The following ASB2 variants were observed in gnomAD, a reference collection of about 807,000 sequenced individuals.
The protein encoded by ASB2 is ankyrin repeat and SOCS box containing 2.
ASB2 carries 58 observed loss-of-function variants against 62.4 expected under a neutral mutation model. The ratio of observed to expected loss-of-function variants is 0.93; its 90% CI spans 0.75 to 1.16. ASB2 has a LOEUF of 1.16. Among genes scored for constraint, ASB2 ranks in the 50% most tolerant of loss-of-function variants. ASB2 has a pLI of 0.00. For missense variants in ASB2, 928 were observed against 887.9 expected (o/e 1.05, Z -0.57); for synonymous variants, 386 against 385.3 (o/e 1.00, Z -0.02).
intron 1 of ASB2, among the ~76,000 whole-genome samples, chr14:93,965,957 C>A (rs1227110159): frequency 1.3e-5 from 2 of 152,270 alleles, no homozygotes; most frequent in East Asian, 3.8e-4. Context: ...CTGAGCCCAA[C>A]CTCCTCAGAG....
chr14:93,964,981 C>G (rs756421408), intron 1 of ASB2, among the ~76,000 whole-genome samples: 56 of 152,212 alleles, frequency 3.7e-4, no homozygotes, highest in Non-Finnish European at 7.1e-4. Context: ...GTCTACTCAT[C>G]TGACCATTTA....
intron 1 of ASB2, among the ~76,000 whole-genome samples, chr14:93,967,693 C>T (rs543818083): frequency 2.6e-5 from 4 of 152,280 alleles, no homozygotes; most frequent in Admixed American, 1.3e-4. Context: ...CTCAGCGAGA[C>T]GTTTGGTTTG....
At chr14:93,947,171 T>C (rs2073332) in intron 7 of ASB2, among the ~76,000 whole-genome samples, 178 bp downstream of exon 7, 34,589 of 152,244 alleles carry the variant, frequency 0.23, 4,366 homozygotes, top group East Asian at 0.6. Context: ...CACTCCATGT[T>C]GCTAACTGCT....
intron 1 of ASB2, among the ~76,000 whole-genome samples, chr14:93,972,299 G>C (rs1889779579): frequency 2.0e-5 from 3 of 151,910 alleles, no homozygotes; most frequent in Admixed American, 2.0e-4. Flanking sequence ...TTCCCCCCAG[G>C]ATCCAGGGTG....
chr14:93,946,772 T>C (rs1254027660), intron 7 of ASB2, among the ~76,000 whole-genome samples: 1 of 152,248 alleles, frequency 6.6e-6, no homozygotes, highest in Non-Finnish European at 1.5e-5. Context: ...CACTTAGTAA[T>C]TGCTCAATAA....
intron 1 of ASB2, among the ~76,000 whole-genome samples, chr14:93,964,971 G>A (rs1252752375): frequency 6.6e-6 from 1 of 151,568 alleles, no homozygotes; most frequent in African/African-American, 2.4e-5. Context: ...CCATCCATCT[G>A]TCTACTCATC....
intron 1 of ASB2, among the ~76,000 whole-genome samples, chr14:93,967,438 G>A (rs1337257019): frequency 2.0e-5 from 3 of 152,238 alleles, no homozygotes; most frequent in African/African-American, 7.2e-5. Context: ...AAGTGCTGGT[G>A]CCCAGGACCT....
chr14:93,945,240 T>G (rs1354289488), intron 7 of ASB2, among the ~76,000 whole-genome samples: 1 of 152,198 alleles, frequency 6.6e-6, no homozygotes, highest in Non-Finnish European at 1.5e-5. Flanking sequence ...TCCCGTGTGT[T>G]CACTCTGGAT....
At chr14:93,949,609 C>A (rs997231565) in intron 6 of ASB2, among the ~76,000 whole-genome samples, 1 of 152,192 alleles carries the variant, frequency 6.6e-6, no homozygotes, top group African/African-American at 2.4e-5. Flanking sequence ...GTTGGGCTCT[C>A]AGAGGCAGGT....
intron 9 of ASB2, among the ~76,000 whole-genome samples, chr14:93,936,112 T>G (rs1399793475): frequency 6.6e-6 from 1 of 152,204 alleles, no homozygotes; most frequent in East Asian, 1.9e-4. Flanking sequence ...CAGCACAGGC[T>G]GCTGGTGAGC....
chr14:93,968,515 C>G (rs542963988), intron 1 of ASB2, among the ~76,000 whole-genome samples: 12 of 152,160 alleles, frequency 7.9e-5, no homozygotes, highest in Admixed American at 2.6e-4. Context: ...TCTGGCAATT[C>G]CAGGAACACT....
intron 1 of ASB2, chr14:93,968,132 TG>T (rs1889648546): frequency 6.6e-6 from 1 of 152,192 alleles, no homozygotes; most frequent in Non-Finnish European, 1.5e-5. Context: ...CCTGACCATG[TG>T]CCTTCCTGGA....
intron 5 of ASB2, among the ~76,000 whole-genome samples, chr14:93,952,939 T>C (rs762792132): frequency 2.6e-5 from 4 of 152,250 alleles, no homozygotes; most frequent in Non-Finnish European, 5.9e-5. Context: ...TCGCATACCT[T>C]CATGCCTTTG....
chr14:93,972,117 C>A (rs1889772033), intron 1 of ASB2, among the ~76,000 whole-genome samples: 2 of 151,062 alleles, frequency 1.3e-5, no homozygotes, highest in Non-Finnish European at 2.9e-5. Context: ...TTCAAGGTCT[C>A]CCAAATATCA....
At position 93,951,262 on chromosome 14, in the gene ASB2, C is replaced by T. The variant is rs1555428886; in HGVS notation, c.635-18G>A. ...CTCGCAGGCTGTGCTCAGGGGGAAG[C>T]AGGGATGGTCAGCAGGGCCTGGCAG... On this transcript the variant is annotated intron_variant, in intron 5 of 9. Transcript: ENST00000555019. 2 of 1,576,320 alleles carry T rather than the reference C, an allele frequency of 1.3e-6. No homozygotes were observed. Among genetic ancestry groups the T allele is most frequent in the South Asian group, 2.2e-5 (2 of 88,924 alleles).
At chr14:93,960,191 T>C (rs1281652093) in intron 2 of ASB2, among the ~76,000 whole-genome samples, 2 of 152,244 alleles carry the variant, frequency 1.3e-5, no homozygotes, top group Non-Finnish European at 2.9e-5. Flanking sequence ...TCTAGTCTGC[T>C]TGATGAACTC....
At chr14:93,941,670 G>A (rs975506653) in intron 7 of ASB2, 10 of 455,980 alleles carry the variant, frequency 2.2e-5, no homozygotes, top group Non-Finnish European at 3.5e-5. Context: ...CAGCTGTAAC[G>A]TGCCCAAGAA....
intron 6 of ASB2, among the ~76,000 whole-genome samples, chr14:93,950,750 G>T (rs1394391180): frequency 6.6e-6 from 1 of 150,592 alleles, no homozygotes; most frequent in Non-Finnish European, 1.5e-5. Flanking sequence ...GCAAATAGGT[G>T]GTCCGTGGGC....
At chr14:93,950,132 T>C (rs1051639405) in intron 6 of ASB2, among the ~76,000 whole-genome samples, 2 of 152,176 alleles carry the variant, frequency 1.3e-5, no homozygotes, top group Non-Finnish European at 2.9e-5. Flanking sequence ...ACCTACCACA[T>C]GGGGCTACGG....
Sources: gnomAD v4.1 joint callset for allele counts (sites outside exome capture counted in the v4.1 genomes callset) on GRCh38, gnomAD v4.1.1 for gene constraint, MANE v1.5 for transcripts, NCBI Gene and HGNC (gene_info 2026-07-23, HGNC 2026-07-21) for gene names.